METTL22: variants seen among roughly 807,000 people sequenced by gnomAD.
The protein encoded by METTL22 is methyltransferase 22, Kin17 lysine.
METTL22 carries 51 observed loss-of-function variants against 48.4 expected under a neutral mutation model. The ratio of observed to expected loss-of-function variants is 1.05; its 90% confidence interval spans 0.84 to 1.33. The LOEUF is 1.33. METTL22 is among the 40% of genes most tolerant of loss of function. The pLI is 0.00. For missense variants in METTL22, 678 were observed against 526.9 expected (o/e 1.29, Z -2.81); for synonymous variants, 255 against 214.1 (o/e 1.19, Z -1.67).
chr16:8,638,965 C>T (rs939647250), intron 5 of METTL22, 126 bp from the exon 6 acceptor site: 1 of 895,828 alleles, frequency 1.1e-6, no homozygotes, highest in Non-Finnish European at 1.8e-6. Context: ...CAGTAAGACA[C>T]ATAGGAGAAA....
the METTL22 span, among the ~76,000 whole-genome samples, chr16:8,665,238 C>T: frequency 6.6e-6 from 1 of 152,118 alleles, no homozygotes; most frequent in Admixed American, 6.6e-5. Flanking sequence ...TTAAGGAGAT[C>T]GAGGCTGCAG....
chr16:8,645,709 A>C (rs977201719), intron 10 of METTL22, among the ~76,000 whole-genome samples: 1 of 152,184 alleles, frequency 6.6e-6, no homozygotes, highest in African/African-American at 2.4e-5. Context: ...CCAGAAGTTC[A>C]AGGCTGCAGC....
intron 10 of METTL22, 174 bp downstream of exon 10, chr16:8,644,899 T>A (rs938064584): frequency 1.6e-5 from 10 of 634,746 alleles, no homozygotes; most frequent in Admixed American, 7.9e-5. Flanking sequence ...GGGAGCTACA[T>A]CCTGTTCTTA....
At chr16:8,641,983 T>A in intron 7 of METTL22, 144 bp from the exon 8 acceptor site, 1 of 668,088 alleles carries the variant, frequency 1.5e-6, no homozygotes, top group East Asian at 2.7e-5. Context: ...AAGCAGGGAG[T>A]CTGGTCTGCC....
chr16:8,641,028 G>C lies in METTL22; in HGVS notation c.773-103G>C, dbSNP rs527797145. The C allele has an allele frequency of 6.7e-4, 720 of 1,068,010 alleles. 1 individual carries two copies. Among genetic ancestry groups the C allele is most frequent in the Non-Finnish European group, 9.3e-4 (663 of 710,546 alleles). 66.2% of individuals were successfully genotyped at this position (1,068,010 alleles called of 1,614,324 possible). ...AAGGTGGATGGGTGAGAGCAAGGGT[G>C]GGTGGGTGGATAGATGGATCTTCAT... On this transcript the variant is annotated intron_variant, in intron 6 of 10. Transcript: ENST00000381920.
the METTL22 span, among the ~76,000 whole-genome samples, chr16:8,657,820 C>CTTTTTTTTTTTTTTT: frequency 0.056 from 7,433 of 133,092 alleles, 484 homozygotes; most frequent in Non-Finnish European, 0.073. Context: ...CTTTTCTTTT[C>CTTTTTTTTTTTTTTT]TTTCTTTTTT....
chr16:8,629,104 A>G lies in METTL22; in HGVS notation c.508A>G (p.Arg170Gly), dbSNP rs1013265232. 1 of 1,612,274 alleles carries G rather than the reference A, an allele frequency of 6.2e-7. No homozygotes were observed. The highest frequency in any genetic ancestry group is 8.5e-7 in the Non-Finnish European group (1 of 1,179,570). ...ACAAGGCAGCCCGCACGATATCATC[A>G]GAATAGGTAAATAGAGGTGTGATGT... ...EAQGSPHDII[R>G]IEHTMATPLE... The change falls in exon 3 of 11, where the codon AGA becomes GGA. Residue 170 changes from arginine to glycine, a missense_variant. Coordinates refer to ENST00000381920, the MANE Select transcript of METTL22 (RefSeq NM_024109.4).
intron 3 of METTL22, among the ~76,000 whole-genome samples, chr16:8,632,629 A>G (rs1731054): frequency 0.16 from 23,649 of 152,306 alleles, 2,377 homozygotes; most frequent in African/African-American, 0.28. Flanking sequence ...GACCACCTCA[A>G]TGGTTCTCAG....
chr16:8,651,778 T>C (rs941728863), downstream of METTL22, among the ~76,000 whole-genome samples: 7 of 152,188 alleles, frequency 4.6e-5, no homozygotes, highest in Admixed American at 1.3e-4. Context: ...AGAAAAGTCA[T>C]GCTTTTGTTC....
the METTL22 span, among the ~76,000 whole-genome samples, chr16:8,663,423 GA>G: frequency 1.3e-5 from 2 of 151,736 alleles, no homozygotes; most frequent in African/African-American, 2.4e-5. Flanking sequence ...ATTTTGGGGA[GA>G]AAAAAAATCA....
At chr16:8,666,601 A>G in the METTL22 span, among the ~76,000 whole-genome samples, 2 of 152,210 alleles carry the variant, frequency 1.3e-5, no homozygotes, top group East Asian at 1.9e-4. Flanking sequence ...TGCAGACATT[A>G]TGATCATCAT....
downstream of METTL22, among the ~76,000 whole-genome samples, chr16:8,654,044 C>G (rs920885294): frequency 1.3e-5 from 2 of 152,164 alleles, no homozygotes; most frequent in African/African-American, 2.4e-5. Flanking sequence ...AAAACAGGCT[C>G]AAGCAAAATG....
At chr16:8,658,234 A>C in the METTL22 span, among the ~76,000 whole-genome samples, 1 of 152,206 alleles carries the variant, frequency 6.6e-6, no homozygotes, top group Non-Finnish European at 1.5e-5. Context: ...ATCACCAGAA[A>C]CTGGAAGAGG....
chr16:8,627,202 G>T (rs1005167663), intron 2 of METTL22, among the ~76,000 whole-genome samples: 1 of 152,134 alleles, frequency 6.6e-6, no homozygotes, highest in Non-Finnish European at 1.5e-5. Context: ...CACTTCCTGA[G>T]TTAGACCTCC....
At chr16:8,637,263 G>A (rs896061534) in intron 5 of METTL22, among the ~76,000 whole-genome samples, 2 of 152,166 alleles carry the variant, frequency 1.3e-5, no homozygotes, top group African/African-American at 4.8e-5. Flanking sequence ...CAAATATGCT[G>A]TTAACCACTG....
rs187439760 is a variant in METTL22, at chr16:8,634,936, G to A, written c.515-103G>A. ...AGAACGCCTCATTCCAACCTCTGAC[G>A]CCCATCTGACCGTGCTGGCGGTTGC... On this transcript the variant is annotated intron_variant, in intron 3 of 10. Transcript: ENST00000381920. 245 of 1,465,274 alleles carry A rather than the reference G, an allele frequency of 1.7e-4. No homozygotes were observed. The African/African-American group carries it at 2.8e-3, about 17-fold the overall frequency. 90.8% of individuals were successfully genotyped at this position (1,465,274 alleles called of 1,614,324 possible). A position where few individuals can be genotyped will look rare whatever the true frequency, so the allele number is the denominator to read the frequency against.
At chr16:8,642,284 C>G (rs571124742) in intron 8 of METTL22, 77 bp downstream of exon 8, 97 of 1,387,758 alleles carry the variant, frequency 7.0e-5, no homozygotes, top group Non-Finnish European at 9.3e-5. Flanking sequence ...TCACTTCCCC[C>G]GGGAGTTCAG....
chr16:8,642,698 G>T, intron 9 of METTL22, 133 bp downstream of exon 9: 1 of 847,384 alleles, frequency 1.2e-6, no homozygotes, highest in Middle Eastern at 3.0e-4. Context: ...TATGTGCCAG[G>T]TCTGTGCTCA....
chr16:8,663,883 G>T, the METTL22 span, among the ~76,000 whole-genome samples: 3 of 152,048 alleles, frequency 2.0e-5, no homozygotes, highest in South Asian at 2.1e-4. Flanking sequence ...TGTCATAGGA[G>T]ACTGTCCTAT....
Sources: gnomAD v4.1 joint callset for allele counts (sites outside exome capture counted in the v4.1 genomes callset) on GRCh38, gnomAD v4.1.1 for gene constraint, MANE v1.5 for transcripts, NCBI Gene and HGNC (gene_info 2026-07-23, HGNC 2026-07-21) for gene names.